Variants in SATL1 observed in about 807,000 individuals in gnomAD.
SATL1 encodes spermidine/spermine N1-acetyl transferase like 1.
In SATL1, 47 loss-of-function variants were observed where a neutral mutation model predicts 51.8. The observed-to-expected ratio is 0.91, with a 90% CI of 0.72 to 1.16. SATL1 has a LOEUF of 1.16. Ranked by LOEUF, SATL1 falls within the 50% of genes most tolerant of loss-of-function variation. SATL1 has a pLI of 0.00. For synonymous variants in SATL1, 176 were observed against 182.4 expected (o/e 0.97, Z 0.28); for missense variants, 520 against 526.4 (o/e 0.99, Z 0.12).
At chrX:85,229,833 A>G (rs1273628678) in intron 1 of SATL1, among the ~76,000 whole-genome samples, 1 of 111,955 alleles carries the variant, frequency 8.9e-6, no homozygotes, top group Non-Finnish European at 1.9e-5. Flanking sequence ...CAATTACAAT[A>G]GCGTCTAAAA....
At chrX:85,236,040 T>G (rs1016598640) in intron 1 of SATL1, among the ~76,000 whole-genome samples, 1 of 111,212 alleles carries the variant, frequency 9.0e-6, no homozygotes, top group Non-Finnish European at 1.9e-5. Context: ...AAATAATCAT[T>G]AGAGACTACT....
At chrX:85,110,288 T>C (rs1369109806) in intron 2 of SATL1, among the ~76,000 whole-genome samples, 1 of 111,644 alleles carries the variant, frequency 9.0e-6, no homozygotes, top group Non-Finnish European at 1.9e-5. Flanking sequence ...CATCCTCATA[T>C]CTGTGAGGTC....
chrX:85,222,447 TATAGTCTATGTTTGA>T (rs1281727673), intron 2 of SATL1, among the ~76,000 whole-genome samples: 11 of 111,765 alleles, frequency 9.8e-5, no homozygotes, highest in Non-Finnish European at 7.5e-5. Context: ...TGTTTGAACT[TATAGTCTATGTTTGA>T]ATATACCTGT....
In SATL1 at chrX:85,133,599, A is replaced by T. The variant is rs375996355; in HGVS notation, c.-312-24319T>A. ...GGAAAGGGAAATCCCCTGACCCCTC[A>T]TGCCTCCCGGCTGAGGCAATGCCCC... On this transcript the variant is annotated intron_variant, in intron 2 of 7. Coordinates refer to ENST00000644105, the MANE Select transcript of SATL1 (RefSeq NM_001367857.2). Among the ~76,000 whole-genome samples the T allele has an allele frequency of 1.1e-4, 12 of 112,054 alleles. No individual in the cohort carries two copies. In the East Asian group the frequency reaches 2.0e-3, roughly 19 times the overall value.
Position 85,094,126 on chromosome X carries a change from A to G in SATL1, c.1876+2T>C, listed in dbSNP as rs1023501147. 2 of 1,098,683 alleles carry G rather than the reference A, an allele frequency of 1.8e-6. No homozygotes were observed. Among genetic ancestry groups the G allele is most frequent in the South Asian group, 3.8e-5 (2 of 52,401 alleles). The allele number at this position is 1,098,683 out of a possible 1,213,427, so 90.5% of individuals were successfully genotyped here. On this transcript the variant is annotated splice_donor_variant, in intron 6 of 7. Transcript: ENST00000644105. LOFTEE classifies it high-confidence loss of function. ...AAGTAATATCATAAATTTTAGTTTT[A>G]CCTTGGTAAGCTTGTGTGACATAAA...
At chrX:85,093,548 A>G (rs887988111) in intron 6 of SATL1, among the ~76,000 whole-genome samples, 1 of 112,511 alleles carries the variant, frequency 8.9e-6, no homozygotes, top group African/African-American at 3.2e-5. Flanking sequence ...AGATAAAAGT[A>G]TAGCTGTGTG....
At chrX:85,231,097 C>G (rs1928373297) in intron 1 of SATL1, among the ~76,000 whole-genome samples, 1 of 111,707 alleles carries the variant, frequency 9.0e-6, no homozygotes. Context: ...AAAGAGATAC[C>G]TGCACTCCCA....
At chrX:85,150,481 CT>C (rs1476140154) in intron 2 of SATL1, among the ~76,000 whole-genome samples, 1 of 106,573 alleles carries the variant, frequency 9.4e-6, no homozygotes, top group African/African-American at 3.6e-5. Flanking sequence ...CAGCATCATC[CT>C]GATACCAAAG....
chrX:85,206,247 G>C (rs1413163957), intron 2 of SATL1, among the ~76,000 whole-genome samples: 1 of 111,692 alleles, frequency 9.0e-6, no homozygotes, highest in Non-Finnish European at 1.9e-5. Flanking sequence ...TTAAAGTCAT[G>C]TTAATGGACT....
Position 85,128,736 on chromosome X carries a change from A to T in SATL1, c.-312-19456T>A, listed in dbSNP as rs759388226. 9.7e-4 allele frequency among the ~76,000 whole-genome samples: 108 copies of T among 111,780 alleles called. 1 individual carries two copies. The highest frequency in any genetic ancestry group is 3.3e-3 in the African/African-American group (100 of 30,726). On this transcript the variant is annotated intron_variant, in intron 2 of 7. Coordinates refer to ENST00000644105, the MANE Select transcript of SATL1 (RefSeq NM_001367857.2). Reference sequence around the variant, plus strand: ...AAGTCCTTGCCCATGCCTATGCCTGAATGGTATTGCCTAGGTTTTCTTCTA... The same window carrying T: ...AAGTCCTTGCCCATGCCTATGCCTGTATGGTATTGCCTAGGTTTTCTTCTA...
chrX:85,150,330 A>G (rs1926391699), intron 2 of SATL1, among the ~76,000 whole-genome samples: 1 of 111,098 alleles, frequency 9.0e-6, no homozygotes, highest in East Asian at 2.8e-4. Context: ...TCAATAGCTT[A>G]CCAACCAAAA....
At chrX:85,119,619 TG>T (rs1296421111) in intron 2 of SATL1, among the ~76,000 whole-genome samples, 7 of 111,717 alleles carry the variant, frequency 6.3e-5, no homozygotes, top group African/African-American at 2.3e-4. Flanking sequence ...GGAGGCTTTT[TG>T]TAAAAATATC....
chrX:85,154,274 G>A (rs966129478), intron 2 of SATL1, among the ~76,000 whole-genome samples: 13 of 110,475 alleles, frequency 1.2e-4, no homozygotes, highest in African/African-American at 3.6e-4. Flanking sequence ...GGTGGGAGAC[G>A]GCGTACCATT....
At chrX:85,169,423 G>GAA (rs770577547) in intron 2 of SATL1, among the ~76,000 whole-genome samples, 2 of 107,095 alleles carry the variant, frequency 1.9e-5, no homozygotes, top group African/African-American at 6.8e-5. Context: ...AAATTTACAA[G>GAA]AAAAAAAAAC....
chrX:85,094,543 A>G (rs1207832189), intron 5 of SATL1, among the ~76,000 whole-genome samples: 4 of 111,143 alleles, frequency 3.6e-5, no homozygotes, highest in African/African-American at 1.3e-4. Flanking sequence ...CAGGAGTTTG[A>G]GACCAGTCTG....
In SATL1 at chrX:85,231,889, C is replaced by T. The variant is rs778355227; in HGVS notation, c.-434-7563G>A. Among the ~76,000 whole-genome samples the T allele has an allele frequency of 1.7e-4, 19 of 110,458 alleles. No individual in the cohort carries two copies. The South Asian group carries it at 4.6e-3, about 27-fold the overall frequency. ...GACTGCAATTCCTATGCAAGTACTCCTGCTGTGCTGGGCTCAGAGTTAGTG... is the reference window on the plus strand; with the variant it reads ...GACTGCAATTCCTATGCAAGTACTCTTGCTGTGCTGGGCTCAGAGTTAGTG... On this transcript the variant is annotated intron_variant, in intron 1 of 7. Coordinates refer to ENST00000644105, the MANE Select transcript of SATL1 (RefSeq NM_001367857.2).
At chrX:85,113,060 GCTAC>G (rs1205899791) in intron 2 of SATL1, among the ~76,000 whole-genome samples, 4 of 111,224 alleles carry the variant, frequency 3.6e-5, no homozygotes, top group African/African-American at 1.3e-4. Context: ...TTGGACTCTT[GCTAC>G]CTGTCAGGGC....
chrX:85,219,895 T>C (rs901505947), intron 2 of SATL1, among the ~76,000 whole-genome samples: 4 of 107,506 alleles, frequency 3.7e-5, no homozygotes, highest in South Asian at 4.1e-4. Flanking sequence ...GACACCAATT[T>C]AACAACTATC....
intron 1 of SATL1, among the ~76,000 whole-genome samples, chrX:85,231,781 C>A (rs1489680826): frequency 8.9e-6 from 1 of 111,895 alleles, no homozygotes; most frequent in Non-Finnish European, 1.9e-5. Flanking sequence ...GTACTTGGAA[C>A]CTGGGTTCCA....
Sources: allele counts gnomAD v4.1 joint callset (sites outside exome capture counted in the v4.1 genomes callset), GRCh38; gene constraint gnomAD v4.1.1; transcripts MANE v1.5; gene names NCBI Gene and HGNC (gene_info 2026-07-23, HGNC 2026-07-21).